The following GLRX3 variants were observed in gnomAD, a reference collection of about 807,000 sequenced individuals.
GLRX3 encodes the protein glutaredoxin-3.
A neutral mutation model predicts 49.5 loss-of-function variants in GLRX3; 22 were observed. That is an observed-to-expected ratio of 0.44 (90% CI 0.32 to 0.63). GLRX3 has a LOEUF of 0.63. Ranked by LOEUF, GLRX3 falls within the 30% of genes least tolerant of loss-of-function variation. GLRX3 has a pLI of 0.05. For synonymous variants in GLRX3, 133 were observed against 140.0 expected (o/e 0.95, Z 0.35); for missense variants, 385 against 396.3 (o/e 0.97, Z 0.24).
At chr10:130,142,477 C>T (rs746231700) in intron 1 of GLRX3, among the ~76,000 whole-genome samples, 1 of 152,184 alleles carries the variant, frequency 6.6e-6, no homozygotes, top group African/African-American at 2.4e-5. Context: ...TCCTTGCATC[C>T]TCAGCTGTCT....
intron 5 of GLRX3, 94 bp downstream of exon 5, chr10:130,166,773 G>A: frequency 9.9e-7 from 1 of 1,011,532 alleles, no homozygotes; most frequent in South Asian, 1.4e-5. Context: ...AATTTCTTAT[G>A]AATCTATATT....
At chr10:130,176,439 C>A (rs534503323) in intron 10 of GLRX3, among the ~76,000 whole-genome samples, 2 of 152,138 alleles carry the variant, frequency 1.3e-5, no homozygotes, top group African/African-American at 2.4e-5. Context: ...GTTTTTAACA[C>A]GTGCTTTTGT....
chr10:130,158,368 A>G lies in GLRX3; in HGVS notation c.202-1627A>G, dbSNP rs111812122. Among the ~76,000 whole-genome samples, 299 of 152,316 alleles carry G rather than the reference A, an allele frequency of 2.0e-3. 1 individual carries two copies. Among genetic ancestry groups the G allele is most frequent in the Non-Finnish European group, 3.3e-3 (222 of 68,026 alleles). On this transcript the variant is annotated intron_variant, in intron 2 of 10. Coordinates refer to ENST00000331244, the MANE Select transcript of GLRX3 (RefSeq NM_006541.5). ...GCCGGGATTACAGGCACCCGCCATC[A>G]TGCCTGGCTAAGAAATCAGATTTTA...
intron 1 of GLRX3, among the ~76,000 whole-genome samples, chr10:130,137,787 T>C (rs1346042169): frequency 6.6e-6 from 1 of 152,172 alleles, no homozygotes; most frequent in Non-Finnish European, 1.5e-5. Flanking sequence ...CAGGCTGCAG[T>C]GTAGTGGAGC....
intron 10 of GLRX3, among the ~76,000 whole-genome samples, chr10:130,177,598 G>A (rs1351401950): frequency 6.6e-6 from 1 of 152,200 alleles, no homozygotes; most frequent in Non-Finnish European, 1.5e-5. Context: ...TAACTAGTAA[G>A]CCATTGAGTC....
chr10:130,154,284 G>A (rs1056781773), intron 2 of GLRX3, among the ~76,000 whole-genome samples: 1 of 152,188 alleles, frequency 6.6e-6, no homozygotes, highest in African/African-American at 2.4e-5. Flanking sequence ...AACCCCTTGC[G>A]CTTCCTGGGT....
At chr10:130,152,940 A>G (rs192715107) in intron 2 of GLRX3, among the ~76,000 whole-genome samples, 3 of 152,228 alleles carry the variant, frequency 2.0e-5, no homozygotes, top group African/African-American at 4.8e-5. Flanking sequence ...AGGTACACCA[A>G]TCAAACGTAG....
chr10:130,138,858 T>TG (rs1862118260), intron 1 of GLRX3, among the ~76,000 whole-genome samples: 1 of 147,916 alleles, frequency 6.8e-6, no homozygotes, highest in Non-Finnish European at 1.5e-5. Context: ...TTTTTTTTTT[T>TG]TTTTTTTTTT....
At chr10:130,145,350 G>T (rs746636244) in intron 2 of GLRX3, 31 bp downstream of exon 2, 4 of 1,008,240 alleles carry the variant, frequency 4.0e-6, no homozygotes, top group South Asian at 1.3e-5. Context: ...TGTCTTTTGT[G>T]AATTTAATTC....
intron 3 of GLRX3, among the ~76,000 whole-genome samples, chr10:130,160,429 T>A (rs1377518828): frequency 6.6e-6 from 1 of 152,204 alleles, no homozygotes; most frequent in Non-Finnish European, 1.5e-5. Flanking sequence ...TCTGGTTTGA[T>A]GAATGACTTT....
At position 130,162,040 on chromosome 10, in the gene GLRX3, G is replaced by T. The variant is rs182479049; in HGVS notation, c.478+1043G>T. Among the ~76,000 whole-genome samples, 52 of 152,314 alleles carry T rather than the reference G, an allele frequency of 3.4e-4. No individual in the cohort carries two copies. In the East Asian group the frequency reaches 9.5e-3, roughly 28 times the overall value. ...TGCCCAGGTTGGAGTGCAATGGCAC[G>T]ATCTCAGTGCGACGGAACCTCTGTC... On this transcript the variant is annotated intron_variant, in intron 4 of 10. Coordinates refer to ENST00000331244, the MANE Select transcript of GLRX3 (RefSeq NM_006541.5).
At chr10:130,167,027 A>T in intron 6 of GLRX3, 47 bp downstream of exon 6, 1 of 998,000 alleles carries the variant, frequency 1.0e-6, no homozygotes, top group Non-Finnish European at 1.5e-6. Context: ...TAATATATTA[A>T]AAATATTTTA....
Position 130,179,334 on chromosome 10 carries a change from AT to A in GLRX3, c.958-3del. On this transcript the variant is annotated splice_polypyrimidine_tract_variant and splice_region_variant and intron_variant, in intron 10 of 10. Coordinates refer to ENST00000331244, the MANE Select transcript of GLRX3 (RefSeq NM_006541.5). ...ATACATATTATTATTGTTGTTTTTTATTTTTAGGAACTGAAAGAAAATGGTG... is the reference window on the plus strand; with the variant it reads ...ATACATATTATTATTGTTGTTTTTTATTTTAGGAACTGAAAGAAAATGGTG... 1.5e-6 allele frequency: 2 copies of A among 1,309,298 alleles called. No individual in the cohort carries two copies. The highest frequency in any genetic ancestry group is 2.2e-6 in the Non-Finnish European group (2 of 918,074). 81.1% of individuals were successfully genotyped at this position (1,309,298 alleles called of 1,614,324 possible).
chr10:130,162,568 A>G (rs1196726741), intron 4 of GLRX3, among the ~76,000 whole-genome samples: 1 of 152,204 alleles, frequency 6.6e-6, no homozygotes, highest in African/African-American at 2.4e-5. Flanking sequence ...CAGCACCTTC[A>G]TTCAGATCTC....
chr10:130,179,582 C>A lies in GLRX3; in HGVS notation c.*190C>A. 1 of 539,662 alleles carries A rather than the reference C, an allele frequency of 1.9e-6. No individual in the cohort carries two copies. The highest frequency in any genetic ancestry group is 3.5e-5 in the East Asian group (1 of 28,236). 33.4% of individuals were successfully genotyped at this position (539,662 alleles called of 1,614,324 possible). On this transcript the variant is annotated 3_prime_UTR_variant, in exon 11 of 11. Transcript: ENST00000331244. ...TTTTTTTCCCACCAAAAATAGAATG[C>A]AATAAACATCTTCAAATTATTAACA... is the stretch of plus-strand genomic sequence containing the variant.
intron 8 of GLRX3, among the ~76,000 whole-genome samples, chr10:130,172,076 T>C (rs1345931098): frequency 6.6e-6 from 1 of 152,252 alleles, no homozygotes; most frequent in East Asian, 1.9e-4. Flanking sequence ...CTGTATTGTT[T>C]TGTGAATGCC....
intron 1 of GLRX3, among the ~76,000 whole-genome samples, chr10:130,139,606 C>T (rs1025053692): frequency 6.7e-6 from 1 of 148,472 alleles, no homozygotes; most frequent in African/African-American, 2.5e-5. Flanking sequence ...CGTGGCACTG[C>T]ACTCCAGCCT....
At chr10:130,146,961 C>G (rs1361613369) in intron 2 of GLRX3, among the ~76,000 whole-genome samples, 2 of 152,200 alleles carry the variant, frequency 1.3e-5, no homozygotes, top group African/African-American at 2.4e-5. Context: ...AGAAAGATGT[C>G]CGTTGAGAAG....
chr10:130,177,521 ATTC>A (rs1448850532), intron 10 of GLRX3, among the ~76,000 whole-genome samples: 2 of 152,208 alleles, frequency 1.3e-5, no homozygotes, highest in Admixed American at 6.5e-5. Flanking sequence ...AGAGAGCAGA[ATTC>A]TTCTTAGTCA....
Sources: gnomAD v4.1 joint callset for allele counts (sites outside exome capture counted in the v4.1 genomes callset) on GRCh38, gnomAD v4.1.1 for gene constraint, MANE v1.5 for transcripts, NCBI Gene and HGNC (gene_info 2026-07-23, HGNC 2026-07-21) for gene names.